The following RMDN2 variants were observed in gnomAD, a reference collection of about 807,000 sequenced individuals.
The protein encoded by RMDN2 is regulator of microtubule dynamics 2.
A neutral mutation model predicts 52.8 loss-of-function variants in RMDN2; 61 were observed. The observed-to-expected ratio is 1.16, with a 90% confidence interval of 0.94 to 1.43. The LOEUF is 1.43. Among genes scored for constraint, RMDN2 ranks in the 40% most tolerant of loss-of-function variants. The probability of loss-of-function intolerance (pLI) is 0.00; values close to 1 mark genes in which losing one functional copy is unlikely to be tolerated. For missense variants in RMDN2, 592 were observed against 475.3 expected, an observed-to-expected ratio of 1.25 and a Z score of -2.28; for synonymous variants, 180 against 153.1, an observed-to-expected ratio of 1.18 and a Z score of -1.30.
intron 2 of RMDN2, chr2:37,951,516 T>C: frequency 6.2e-7 from 1 of 1,612,204 alleles, no homozygotes; most frequent in Non-Finnish European, 8.5e-7. Flanking sequence ...TAACTTTGAT[T>C]CTGAAGAAGA....
chr2:37,951,376 A>G (rs1008933004), intron 2 of RMDN2: 1 of 1,613,390 alleles, frequency 6.2e-7, no homozygotes, highest in African/African-American at 1.3e-5. Context: ...GTAACACATA[A>G]AGTCAATGCA....
intron 2 of RMDN2, among the ~76,000 whole-genome samples, chr2:37,932,484 C>T (rs1434203103): frequency 6.6e-6 from 1 of 150,530 alleles, no homozygotes; most frequent in African/African-American, 2.4e-5. Flanking sequence ...ACACGGCAAC[C>T]ATCCGATTTC....
At chr2:38,045,457 T>G (rs1263548678) in intron 10 of RMDN2, among the ~76,000 whole-genome samples, 1 of 152,214 alleles carries the variant, frequency 6.6e-6, no homozygotes, top group African/African-American at 2.4e-5. Context: ...GATGTTTGCA[T>G]CTCATCTCAC....
rs756943612 is a variant in RMDN2 at position 37,950,618 on chromosome 2, A to C, written c.452+20889A>C. 4 of 1,610,574 alleles carry C rather than the reference A, an allele frequency of 2.5e-6. No individual in the cohort carries two copies. In the African/African-American group the frequency reaches 4.0e-5, roughly 16 times the overall value. On this transcript the variant is annotated intron_variant, in intron 2 of 10. Transcript: ENST00000354545. ...AAGGTAAGCCTTAGAAAAAAACTTC[A>C]ACATGTGCTAAAAGAACATTGAAAA... is the stretch of plus-strand genomic sequence containing the variant.
intron 2 of RMDN2, among the ~76,000 whole-genome samples, chr2:37,969,537 T>G (rs1671519453): frequency 6.6e-6 from 1 of 151,714 alleles, no homozygotes; most frequent in African/African-American, 2.4e-5. Flanking sequence ...ACAAAATTGA[T>G]TTTGGAAGAT....
chr2:38,048,046 A>G (rs917441540), intron 10 of RMDN2, among the ~76,000 whole-genome samples: 2 of 152,240 alleles, frequency 1.3e-5, no homozygotes, highest in African/African-American at 2.4e-5. Flanking sequence ...CTGAGATGTA[A>G]CACAACTTCC....
At chr2:37,926,822 G>C (rs2124877900) in intron 1 of RMDN2, among the ~76,000 whole-genome samples, 1 of 152,302 alleles carries the variant, frequency 6.6e-6, no homozygotes, top group Admixed American at 6.5e-5. Flanking sequence ...TGTGGTCCTA[G>C]CTACTAGGGA....
chr2:38,019,351 A>G (rs1443406536), downstream of RMDN2, among the ~76,000 whole-genome samples: 1 of 152,216 alleles, frequency 6.6e-6, no homozygotes, highest in Non-Finnish European at 1.5e-5. Flanking sequence ...ATAAGATCTA[A>G]TCAGTGTTCA....
At chr2:38,053,382 T>C (rs996125102) in intron 10 of RMDN2, among the ~76,000 whole-genome samples, 2 of 152,188 alleles carry the variant, frequency 1.3e-5, no homozygotes, top group Non-Finnish European at 2.9e-5. Context: ...CGTGGGAATG[T>C]CAAACACACA....
At position 38,041,392 on chromosome 2, in the gene RMDN2, C is replaced by T. The variant is rs185237164; in HGVS notation, c.1714-25590C>T. ...GAGTCAGACATGTCATCTACAAAGA[C>T]AGTTTTATTTCTTCTTTCCTCATTT... On this transcript the variant is annotated intron_variant, in intron 10 of 10. Transcript: ENST00000234195. 3.9e-3 allele frequency among the ~76,000 whole-genome samples: 562 copies of T among 143,110 alleles called. 1 individual carries two copies. Among genetic ancestry groups the T allele is most frequent in the Non-Finnish European group, 6.8e-3 (448 of 66,098 alleles). The allele number at this position is 143,110 out of a possible 152,430, so 93.9% of individuals were successfully genotyped here.
chr2:38,003,897 A>T, intron 8 of RMDN2, 94 bp from the exon 9 acceptor site: 1 of 995,416 alleles, frequency 1.0e-6, no homozygotes, highest in Non-Finnish European at 1.6e-6. Context: ...TTTGGTTCAT[A>T]ATATTTGATT....
chr2:38,006,631 A>G lies in RMDN2; in HGVS notation c.1179+2415A>G, dbSNP rs376177331. Among the ~76,000 whole-genome samples the G allele has an allele frequency of 9.3e-4, 141 of 152,338 alleles. 2 individuals are homozygous for G. The East Asian group carries it at 0.023, about 25-fold the overall frequency. Reference sequence around the variant, plus strand: ...TGAGATGATGGGATTTTCTAGATATACAATCATGTCATCTGCAAACAGGGA... The same window carrying G: ...TGAGATGATGGGATTTTCTAGATATGCAATCATGTCATCTGCAAACAGGGA... On this transcript the variant is annotated intron_variant, in intron 10 of 10. Transcript: ENST00000354545.
intron 7 of RMDN2, among the ~76,000 whole-genome samples, chr2:37,995,287 G>T (rs1313517707): frequency 1.3e-5 from 2 of 151,478 alleles, no homozygotes; most frequent in Non-Finnish European, 2.9e-5. Flanking sequence ...CATCTGTTGG[G>T]GGTCCTGGAA....
Position 37,929,744 on chromosome 2 carries a change from G to T in RMDN2, c.452+15G>T, listed in dbSNP as rs555306537. The stretch of plus-strand genomic sequence containing the variant: ...AGTGAAGGAGGGTAAGTTTCTTTAA[G>T]ATATTTCCTATGTTGAATTGGTTAT... On this transcript the variant is annotated intron_variant, in intron 2 of 10. Transcript: ENST00000354545. 4.9e-5 allele frequency: 72 copies of T among 1,461,252 alleles called. No individual in the cohort carries two copies. In the African/African-American group the frequency reaches 9.7e-4, roughly 20 times the overall value. 90.5% of individuals were successfully genotyped at this position (1,461,252 alleles called of 1,614,324 possible).
intron 10 of RMDN2, among the ~76,000 whole-genome samples, chr2:38,045,332 G>A (rs1681205753): frequency 6.6e-6 from 1 of 152,172 alleles, no homozygotes; most frequent in South Asian, 2.1e-4. Context: ...AGGAGACAAT[G>A]CCTGTAACAC....
chr2:38,039,093 C>CACACACACACACACAG (rs1317093706), intron 10 of RMDN2, among the ~76,000 whole-genome samples: 1 of 91,592 alleles, frequency 1.1e-5, no homozygotes, highest in Non-Finnish European at 3.3e-5. Context: ...CACACACACA[C>CACACACACACACACAG]AGAGAGAGAG....
chr2:38,056,982 T>A (rs1006845154), intron 10 of RMDN2, among the ~76,000 whole-genome samples: 1 of 152,172 alleles, frequency 6.6e-6, no homozygotes, highest in Non-Finnish European at 1.5e-5. Context: ...CCTAGTGCCT[T>A]ATTTGGGGTC....
chr2:37,986,561 A>G (rs1175559141), intron 5 of RMDN2, among the ~76,000 whole-genome samples: 5 of 152,132 alleles, frequency 3.3e-5, no homozygotes, highest in African/African-American at 1.2e-4. Flanking sequence ...TGAATCTGAC[A>G]ATGTGTAAAA....
Position 37,993,769 on chromosome 2 carries a change from T to TG in RMDN2, c.945+2479dup, listed in dbSNP as rs1390786522. ...CAAAAGTACAATGCCTGGTGGGGGG[T>TG]GGGGGGGAGATGAACTTAAATAAAA... On this transcript the variant is annotated intron_variant, in intron 7 of 10. Coordinates refer to ENST00000354545, the MANE Select transcript of RMDN2 (RefSeq NM_001170791.3). 1.3e-4 allele frequency among the ~76,000 whole-genome samples: 5 copies of TG among 39,484 alleles called. No individual in the cohort carries two copies. The East Asian group carries it at 3.1e-3, about 25-fold the overall frequency. The allele number at this position is 39,484 out of a possible 152,430, so 25.9% of individuals were successfully genotyped here. A position where few individuals can be genotyped will look rare whatever the true frequency, so the allele number is the denominator to read the frequency against.
Sources: gnomAD v4.1 joint callset for allele counts (sites outside exome capture counted in the v4.1 genomes callset) on GRCh38, gnomAD v4.1.1 for gene constraint, MANE v1.5 for transcripts, NCBI Gene and HGNC (gene_info 2026-07-23, HGNC 2026-07-21) for gene names.